Variants in APOBEC3F observed in about 807,000 individuals in gnomAD.
APOBEC3F encodes the protein apolipoprotein B mRNA editing enzyme catalytic subunit 3F.
A neutral mutation model predicts 45.8 loss-of-function variants in APOBEC3F; 34 were observed. That is an observed-to-expected ratio of 0.74 (90% CI 0.57 to 0.99). The LOEUF is 0.99. APOBEC3F is among the 50% of genes least tolerant of loss of function. The pLI, the probability that APOBEC3F is intolerant of heterozygous loss-of-function variation, is 0.00. For missense variants in APOBEC3F, 459 were observed against 474.1 expected (o/e 0.97, Z 0.30); for synonymous variants, 192 against 174.4 (o/e 1.10, Z -0.80).
Position 39,052,240 on chromosome 22 carries a change from T to C in APOBEC3F, c.890T>C (p.Val297Ala). The C allele has an allele frequency of 2.5e-6, 4 of 1,614,096 alleles. No individual in the cohort carries two copies. The highest frequency in any genetic ancestry group is 1.7e-5 in the Admixed American group (1 of 60,020). Residue 297 changes from valine to alanine, a missense_variant, in exon 6 of 7, where the codon GTG becomes GCG. By Grantham distance (64) the Val-to-Ala change is moderately conservative. Transcript: ENST00000308521. ...GAGTTCCTGGCCAGGCACAGCAACG[T>C]GAATCTCACCATCTTCACCGCCCGC... ...VAEFLARHSNVNLTIFTARLY... is the reference protein window; with the variant it reads ...VAEFLARHSNANLTIFTARLY...
chr22:39,053,697 A>G lies in APOBEC3F; in HGVS notation c.*1002A>G, dbSNP rs552599531. 6.6e-6 allele frequency: 1 copy of G among 152,342 alleles called. No homozygotes were observed. The highest frequency in any genetic ancestry group is 1.9e-4 in the East Asian group (1 of 5,182). 9.4% of individuals were successfully genotyped at this position (152,342 alleles called of 1,614,324 possible). A position where few individuals can be genotyped will look rare whatever the true frequency, so the allele number is the denominator to read the frequency against. ...TAAGTTGAAAACCAGAAGTTTTGAG[A>G]AACATCCTTTGTTAACTTTCATCCT... On this transcript the variant is annotated 3_prime_UTR_variant, in exon 7 of 7. Coordinates refer to ENST00000308521, the MANE Select transcript of APOBEC3F (RefSeq NM_145298.6).
chr22:39,044,951 A>G lies in APOBEC3F; in HGVS notation c.182A>G (p.Gln61Arg). ...CTGCTCCTCTCCCAGGTGTATTCCC[A>G]GCCTGAGCACCACGCAGAAATGTGC... ...AKIFRGQVYSQPEHHAEMCFL... is the reference protein window; with the variant it reads ...AKIFRGQVYSRPEHHAEMCFL... Residue 61 changes from glutamine to arginine, a missense_variant, in exon 3 of 7, where the codon CAG becomes CGG. Gln to Arg is a conservative substitution (Grantham distance 43). Coordinates refer to ENST00000308521, the MANE Select transcript of APOBEC3F (RefSeq NM_145298.6). 1 of 1,611,036 alleles carries G rather than the reference A, an allele frequency of 6.2e-7. No individual in the cohort carries two copies. Among genetic ancestry groups the G allele is most frequent in the Non-Finnish European group, 8.5e-7 (1 of 1,179,448 alleles).
intron 4 of APOBEC3F, among the ~76,000 whole-genome samples, chr22:39,047,384 G>C (rs1927275521): frequency 6.6e-6 from 1 of 152,124 alleles, no homozygotes; most frequent in South Asian, 2.1e-4. Flanking sequence ...GGGCCTGTGA[G>C]GTCACTCACA....
intron 5 of APOBEC3F, 118 bp downstream of exon 5, chr22:39,049,699 C>CTTTTTTT: frequency 1.2e-6 from 1 of 826,704 alleles, no homozygotes; most frequent in Non-Finnish European, 1.7e-6. Flanking sequence ...TCTTACATTT[C>CTTTTTTT]TTTTTTTTTT....
intron 1 of APOBEC3F, 80 bp downstream of exon 1, chr22:39,041,057 C>T: frequency 1.3e-6 from 2 of 1,546,864 alleles, no homozygotes; most frequent in Non-Finnish European, 1.7e-6. Flanking sequence ...CAGCCCTGGC[C>T]TCCCCCTGCC....
At chr22:39,042,161 C>T (rs1333419878) in intron 1 of APOBEC3F, among the ~76,000 whole-genome samples, 1 of 152,256 alleles carries the variant, frequency 6.6e-6, no homozygotes, top group Non-Finnish European at 1.5e-5. Context: ...GAGCTCACAT[C>T]CGCGCAGCAC....
At chr22:39,045,577 C>T in intron 4 of APOBEC3F, 35 bp downstream of exon 4, 1 of 1,613,290 alleles carries the variant, frequency 6.2e-7, no homozygotes, top group East Asian at 2.2e-5. Context: ...CGTCTGTCTC[C>T]TCTCGCCTCC....
At chr22:39,044,193 A>C (rs1452655164) in intron 2 of APOBEC3F, 6 of 1,610,152 alleles carry the variant, frequency 3.7e-6, no homozygotes, top group Non-Finnish European at 5.1e-6. Flanking sequence ...AGCTGACCGC[A>C]GGCAGGGAAC....
chr22:39,043,947 C>A, intron 2 of APOBEC3F: 1 of 1,280,404 alleles, frequency 7.8e-7, no homozygotes, highest in Non-Finnish European at 1.0e-6. Context: ...ACCGCTTGAA[C>A]CCATGAGGCA....
rs1311490667 is a variant in APOBEC3F at position 39,053,611 on chromosome 22, C to T, written c.*916C>T. ...GTCTGAGCAACAGATCGAGACCCTG[C>T]CTGAAAATAAATCAATAAATAAACT... is the stretch of plus-strand genomic sequence containing the variant. On this transcript the variant is annotated 3_prime_UTR_variant, in exon 7 of 7. Transcript: ENST00000308521. 1 of 152,010 alleles carries T rather than the reference C, an allele frequency of 6.6e-6. No individual in the cohort carries two copies. The highest frequency in any genetic ancestry group is 6.6e-5 in the Admixed American group (1 of 15,244). 9.4% of individuals were successfully genotyped at this position (152,010 alleles called of 1,614,324 possible). A position where few individuals can be genotyped will look rare whatever the true frequency, so the allele number is the denominator to read the frequency against.
At chr22:39,051,666 A>T (rs1927493523) in intron 5 of APOBEC3F, among the ~76,000 whole-genome samples, 1 of 151,986 alleles carries the variant, frequency 6.6e-6, no homozygotes, top group Non-Finnish European at 1.5e-5. Flanking sequence ...AAGTAAAGAA[A>T]ATAAGGCCAT....
At position 39,045,214 on chromosome 22, in the gene APOBEC3F, G is replaced by A. The variant is rs566854869; in HGVS notation, c.445G>A (p.Asp149Asn). Residue 149 changes from aspartate to asparagine, a missense_variant, in exon 3 of 7, where the codon GAT (aspartate) becomes AAT (asparagine). Asp to Asn is a conservative substitution (Grantham distance 23). Coordinates refer to ENST00000308521, the MANE Select transcript of APOBEC3F (RefSeq NM_145298.6). ...QAGARVKIMDDEEFAYCWENF... is the reference protein window; with the variant it reads ...QAGARVKIMDNEEFAYCWENF... Reference sequence around the variant, plus strand: ...AGGGGCCCGCGTGAAGATTATGGACGATGAAGGTGAGAGGTGGAGGGGTCA... The same window carrying A: ...AGGGGCCCGCGTGAAGATTATGGACAATGAAGGTGAGAGGTGGAGGGGTCA... 2.9e-5 allele frequency: 47 copies of A among 1,613,420 alleles called. No individual in the cohort carries two copies. The highest frequency in any genetic ancestry group is 3.8e-5 in the Non-Finnish European group (45 of 1,179,846).
chr22:39,044,299 T>C (rs1927088912), intron 2 of APOBEC3F: 1 of 1,512,400 alleles, frequency 6.6e-7, no homozygotes, highest in Non-Finnish European at 8.8e-7. Flanking sequence ...CGCATGAGGC[T>C]CTGAACAGGG....
At position 39,052,349 on chromosome 22, in the gene APOBEC3F, C is replaced by T. The variant is rs747065452; in HGVS notation, c.999C>T (p.Tyr333=). ...GGGCCTCCGTGGAGATCATGGGCTA[C>T]AAAGGTGAGACGTTGGGGGGCTGAG... ...QEGASVEIMG[Y]KDFKYCWENF... Residue 333 remains tyrosine, a synonymous_variant, in exon 6 of 7, where the codon TAC becomes TAT. Transcript: ENST00000308521. 1.2e-6 allele frequency: 2 copies of T among 1,614,036 alleles called. No individual in the cohort carries two copies. The highest frequency in any genetic ancestry group is 2.2e-5 in the East Asian group (1 of 44,874).
At chr22:39,043,178 G>A in intron 2 of APOBEC3F, 88 bp downstream of exon 2, 1 of 1,479,436 alleles carries the variant, frequency 6.8e-7, no homozygotes, top group South Asian at 1.4e-5. Context: ...GTGCCCGGCG[G>A]CGGGCTATCC....
rs531671311 is a variant in APOBEC3F at position 39,047,748 on chromosome 22, C to G, written c.567-1677C>G. Among the ~76,000 whole-genome samples the G allele has an allele frequency of 9.9e-5, 15 of 152,000 alleles. No homozygotes were observed. The South Asian group carries it at 3.1e-3, about 32-fold the overall frequency. ...CCAGCCCAGGCCCCCTGCTGAGACT[C>G]TCCCCCGAAAGTCACCCCTTTGCTA... On this transcript the variant is annotated intron_variant, in intron 4 of 6. Transcript: ENST00000308521.
intron 2 of APOBEC3F, chr22:39,044,385 A>G (rs1205370771): frequency 2.1e-5 from 29 of 1,380,238 alleles, no homozygotes; most frequent in Non-Finnish European, 2.7e-5. Context: ...CAGGACTGAG[A>G]TGGGGACATT....
At position 39,049,522 on chromosome 22, in the gene APOBEC3F, A is replaced by G. The variant is rs758496258; in HGVS notation, c.664A>G (p.Met222Val). The G allele has an allele frequency of 8.1e-6, 13 of 1,613,870 alleles. 1 individual carries two copies. Among genetic ancestry groups the G allele is most frequent in the Middle Eastern group, 3.3e-4 (2 of 6,082 alleles). ...GRNESWLCFTMEVVKHHSPVS... is the reference protein window; with the variant it reads ...GRNESWLCFTVEVVKHHSPVS... ...GAACGAAAGCTGGCTGTGCTTCACC[A>G]TGGAAGTTGTAAAGCACCACTCACC... Residue 222 changes from methionine (M) to valine (V), a missense_variant, in exon 5 of 7, where the codon ATG becomes GTG. Coordinates refer to ENST00000308521, the MANE Select transcript of APOBEC3F (RefSeq NM_145298.6).
chr22:39,055,225 A>T lies in APOBEC3F; in HGVS notation c.*2530A>T, dbSNP rs183965738. ...GTAGCTGGGACTACAGGCGTGTGCC[A>T]CCACGCCTGGCTAATTTTGTAGTTT... is the stretch of plus-strand genomic sequence containing the variant. On this transcript the variant is annotated 3_prime_UTR_variant, in exon 7 of 7. Coordinates refer to ENST00000308521, the MANE Select transcript of APOBEC3F (RefSeq NM_145298.6). Among the ~76,000 whole-genome samples, 1,023 of 151,884 alleles carry T rather than the reference A, an allele frequency of 6.7e-3. 8 individuals carry two copies. Among genetic ancestry groups the T allele is most frequent in the African/African-American group, 0.024 (981 of 41,360 alleles).
Sources: allele counts gnomAD v4.1 joint callset (sites outside exome capture counted in the v4.1 genomes callset), GRCh38; gene constraint gnomAD v4.1.1; transcripts MANE v1.5; gene names NCBI Gene and HGNC (gene_info 2026-07-23, HGNC 2026-07-21).